Variants in RARB observed in about 807,000 individuals in gnomAD.
RARB encodes HBV-activated protein.
A neutral mutation model predicts 51.9 loss-of-function variants in RARB; 17 were observed. That is an observed-to-expected ratio of 0.33 (90% CI 0.22 to 0.49). The LOEUF (loss-of-function observed/expected upper bound fraction) is 0.49. Ranked by LOEUF, RARB falls within the 20% of genes least tolerant of loss-of-function variation. The pLI is 0.99. For synonymous variants in RARB, 215 were observed against 195.4 expected, an observed-to-expected ratio of 1.10 and a Z score of -0.84; for missense variants, 369 against 550.8, an observed-to-expected ratio of 0.67 and a Z score of 3.30.
At chr3:25,321,383 T>C (rs1194626834) in intron 5 of RARB, among the ~76,000 whole-genome samples, 1 of 152,060 alleles carries the variant, frequency 6.6e-6, no homozygotes, top group Non-Finnish European at 1.5e-5. Context: ...ATTTAAAATA[T>C]CTAGAGGAAA....
intron 3 of RARB, among the ~76,000 whole-genome samples, chr3:25,546,846 T>C (rs990953657): frequency 2.0e-5 from 3 of 152,232 alleles, no homozygotes; most frequent in Non-Finnish European, 4.4e-5. Flanking sequence ...ATTTAAATTT[T>C]CCTTACCTCA....
At chr3:25,212,138 T>C (rs1168146935) in intron 5 of RARB, among the ~76,000 whole-genome samples, 2 of 152,202 alleles carry the variant, frequency 1.3e-5, no homozygotes, top group Non-Finnish European at 2.9e-5. Flanking sequence ...AAACCAGCAA[T>C]GGGTTGTGAT....
intron 2 of RARB, among the ~76,000 whole-genome samples, chr3:24,860,141 A>G (rs11709242): frequency 0.32 from 48,011 of 152,002 alleles, 9,557 homozygotes; most frequent in Admixed American, 0.42. Flanking sequence ...AACGGGGCCC[A>G]TGTCAGAGGG....
At chr3:25,229,879 G>A (rs1323981125) in intron 5 of RARB, among the ~76,000 whole-genome samples, 2 of 152,026 alleles carry the variant, frequency 1.3e-5, no homozygotes, top group East Asian at 3.9e-4. Flanking sequence ...GGTGTGACAG[G>A]TCACCCAACT....
chr3:25,211,101 G>A (rs1314563379), intron 5 of RARB, among the ~76,000 whole-genome samples: 1 of 152,138 alleles, frequency 6.6e-6, no homozygotes, highest in African/African-American at 2.4e-5. Context: ...ATAGTAAGCT[G>A]TTAACAAATA....
intron 1 of RARB, among the ~76,000 whole-genome samples, chr3:25,448,599 C>T (rs947349226): frequency 2.0e-5 from 3 of 152,114 alleles, no homozygotes; most frequent in Non-Finnish European, 4.4e-5. Context: ...TCCCGAGTAG[C>T]TGGGATTGCA....
chr3:24,977,579 T>C (rs577241679), intron 2 of RARB, among the ~76,000 whole-genome samples: 1 of 152,348 alleles, frequency 6.6e-6, no homozygotes, highest in South Asian at 2.1e-4. Context: ...TATTGGTGTA[T>C]AGGAAAGCTT....
chr3:25,186,302 T>G (rs1700972630), intron 5 of RARB, among the ~76,000 whole-genome samples: 1 of 152,104 alleles, frequency 6.6e-6, no homozygotes, highest in African/African-American at 2.4e-5. Context: ...TACCAAGTAT[T>G]AGAAAGAGTG....
At chr3:25,063,430 A>G (rs1416393814) in intron 3 of RARB, among the ~76,000 whole-genome samples, 4 of 151,868 alleles carry the variant, frequency 2.6e-5, no homozygotes, top group Admixed American at 6.6e-5. Context: ...TTTCCATCCT[A>G]TTTCTTTTTA....
At chr3:25,065,484 C>G (rs1420134515) in intron 3 of RARB, among the ~76,000 whole-genome samples, 1 of 152,158 alleles carries the variant, frequency 6.6e-6, no homozygotes, top group Admixed American at 6.5e-5. Flanking sequence ...TAGTGTTATA[C>G]TGATTCAAGC....
At chr3:25,351,714 C>T (rs976490362) in intron 5 of RARB, among the ~76,000 whole-genome samples, 4 of 152,108 alleles carry the variant, frequency 2.6e-5, no homozygotes, top group Non-Finnish European at 5.9e-5. Context: ...TTATTTTCCT[C>T]CATGTCTTTT....
At chr3:25,194,334 A>C (rs1381518625) in intron 5 of RARB, among the ~76,000 whole-genome samples, 1 of 151,732 alleles carries the variant, frequency 6.6e-6, no homozygotes, top group Non-Finnish European at 1.5e-5. Context: ...ATAGTTAATA[A>C]TACTGTATAC....
chr3:25,298,565 T>G (rs1703969846), intron 5 of RARB, among the ~76,000 whole-genome samples: 1 of 152,096 alleles, frequency 6.6e-6, no homozygotes, highest in Non-Finnish European at 1.5e-5. Context: ...GATGGTGATT[T>G]GCATAGTGGT....
chr3:25,434,196 A>G (rs755741625), intron 1 of RARB, among the ~76,000 whole-genome samples: 1 of 152,212 alleles, frequency 6.6e-6, no homozygotes, highest in African/African-American at 2.4e-5. Context: ...GAACCAGCTC[A>G]GGGGAGGGAG....
At chr3:24,848,339 G>C (rs1231478527) in intron 1 of RARB, among the ~76,000 whole-genome samples, 1 of 152,190 alleles carries the variant, frequency 6.6e-6, no homozygotes, top group African/African-American at 2.4e-5. Flanking sequence ...GGGATTACAG[G>C]TGTGATCCAT....
intron 5 of RARB, among the ~76,000 whole-genome samples, chr3:25,221,877 A>G (rs1701955786): frequency 6.6e-6 from 1 of 152,196 alleles, no homozygotes; most frequent in African/African-American, 2.4e-5. Context: ...CCAAGTGTAT[A>G]GGGTACAGCA....
At chr3:25,239,616 C>G (rs189864854) in intron 5 of RARB, among the ~76,000 whole-genome samples, 2 of 152,090 alleles carry the variant, frequency 1.3e-5, no homozygotes, top group African/African-American at 4.8e-5. Context: ...GCTATATATA[C>G]ATAGATTTAT....
intron 5 of RARB, among the ~76,000 whole-genome samples, chr3:25,276,726 C>T (rs1052103911): frequency 5.9e-5 from 9 of 152,260 alleles, no homozygotes; most frequent in African/African-American, 2.2e-4. Context: ...ACTTGTATTC[C>T]ATTTGCAAAT....
intron 5 of RARB, among the ~76,000 whole-genome samples, chr3:25,237,664 T>C (rs1222371711): frequency 1.1e-4 from 16 of 152,126 alleles, no homozygotes; most frequent in Admixed American, 1.0e-3. Context: ...TAGACACCCA[T>C]CATCACTATC....
Sources: allele counts gnomAD v4.1 joint callset (sites outside exome capture counted in the v4.1 genomes callset), GRCh38; gene constraint gnomAD v4.1.1; transcripts MANE v1.5; gene names NCBI Gene and HGNC (gene_info 2026-07-23, HGNC 2026-07-21).